The following KCNIP4 variants were observed in gnomAD, a reference collection of about 807,000 sequenced individuals.
KCNIP4 encodes the protein Kv channel-interacting protein 4.
A neutral mutation model predicts 34.0 loss-of-function variants in KCNIP4; 12 were observed. The ratio of observed to expected loss-of-function variants is 0.35; its 90% CI spans 0.23 to 0.57. The LOEUF (loss-of-function observed/expected upper bound fraction) is 0.57, where lower values mean the gene tolerates loss of function less well. Among genes scored for constraint, KCNIP4 ranks in the 20% least tolerant of loss-of-function variants. KCNIP4 has a pLI of 0.83. For synonymous variants in KCNIP4, 124 were observed against 102.2 expected (o/e 1.21, Z -1.29); for missense variants, 238 against 311.7 (o/e 0.76, Z 1.78).
chr4:21,757,248 A>AAAG lies in KCNIP4; in HGVS notation c.61+191322_61+191323insCTT, dbSNP rs1209820568. Among the ~76,000 whole-genome samples the AAAG allele has an allele frequency of 2.9e-3, 67 of 22,998 alleles. 1 individual carries two copies. The highest frequency in any genetic ancestry group is 4.5e-3 in the Non-Finnish European group (52 of 11,500). 15.1% of individuals were successfully genotyped at this position (22,998 alleles called of 152,430 possible). A position where few individuals can be genotyped will look rare whatever the true frequency, so the allele number is the denominator to read the frequency against. On this transcript the variant is annotated intron_variant, in intron 1 of 8. Coordinates refer to ENST00000382152, the MANE Select transcript of KCNIP4 (RefSeq NM_025221.6). Reference sequence around the variant, plus strand: ...GAAAGAAAGAAAGAAAGAAAGAAAGAAAAGAAAAGAAAAGAAAAGAAAAGA... The same window carrying AAAG: ...GAAAGAAAGAAAGAAAGAAAGAAAGAAAGAAAGAAAAGAAAAGAAAAGAAAAGA...
intron 1 of KCNIP4, among the ~76,000 whole-genome samples, chr4:21,765,485 G>A (rs984739317): frequency 6.6e-6 from 1 of 151,960 alleles, no homozygotes. Flanking sequence ...GCTCCCTGGG[G>A]GAAAAGTGGT....
intron 1 of KCNIP4, among the ~76,000 whole-genome samples, chr4:21,190,296 G>A (rs570926912): frequency 6.6e-5 from 10 of 152,192 alleles, no homozygotes; most frequent in East Asian, 3.9e-4. Flanking sequence ...GTTTTGGTTC[G>A]TTAGTATTGG....
At chr4:21,187,918 CT>C (rs1253257514) in intron 1 of KCNIP4, among the ~76,000 whole-genome samples, 1 of 152,182 alleles carries the variant, frequency 6.6e-6, no homozygotes, top group Non-Finnish European at 1.5e-5. Context: ...AGACAGATAA[CT>C]TTGGGAAAGT....
At chr4:21,596,089 C>T (rs918819281) in intron 1 of KCNIP4, among the ~76,000 whole-genome samples, 1 of 152,096 alleles carries the variant, frequency 6.6e-6, no homozygotes, top group African/African-American at 2.4e-5. Flanking sequence ...TGGCCCAACT[C>T]TCTTAATTGT....
intron 1 of KCNIP4, among the ~76,000 whole-genome samples, chr4:21,689,562 C>T (rs941712261): frequency 1.3e-5 from 2 of 152,100 alleles, no homozygotes; most frequent in Middle Eastern, 3.4e-3. Context: ...AATAGCTCTC[C>T]TGGAACACAT....
chr4:21,723,538 T>C (rs1311801568), intron 1 of KCNIP4, among the ~76,000 whole-genome samples: 2 of 152,060 alleles, frequency 1.3e-5, no homozygotes, highest in African/African-American at 4.8e-5. Context: ...AGTGGAGACG[T>C]GGTTTGTAGG....
intron 1 of KCNIP4, among the ~76,000 whole-genome samples, chr4:21,409,779 A>T (rs1724324317): frequency 6.6e-6 from 1 of 152,206 alleles, no homozygotes. Flanking sequence ...TGTATGAGTG[A>T]TGGGAACTGA....
At chr4:20,971,276 C>T (rs1734923319) in intron 1 of KCNIP4, among the ~76,000 whole-genome samples, 1 of 152,122 alleles carries the variant, frequency 6.6e-6, no homozygotes, top group Non-Finnish European at 1.5e-5. Flanking sequence ...GTATACTTCT[C>T]AGTATGGGGA....
At chr4:21,140,563 C>T (rs1358921249) in intron 1 of KCNIP4, among the ~76,000 whole-genome samples, 1 of 152,136 alleles carries the variant, frequency 6.6e-6, no homozygotes, top group Non-Finnish European at 1.5e-5. Flanking sequence ...CTCCAACGCA[C>T]CCCGCTATTC....
intron 1 of KCNIP4, among the ~76,000 whole-genome samples, chr4:21,132,801 G>T (rs931219977): frequency 6.7e-6 from 1 of 149,950 alleles, no homozygotes; most frequent in South Asian, 2.1e-4. Context: ...CTGAGCTCAG[G>T]AGTTCGAGAC....
intron 1 of KCNIP4, among the ~76,000 whole-genome samples, chr4:20,912,474 G>T (rs954647204): frequency 1.3e-5 from 2 of 151,928 alleles, no homozygotes; most frequent in African/African-American, 4.8e-5. Context: ...TAACAACTAG[G>T]TTTTTTATAT....
chr4:21,864,878 G>T (rs1725320032), intron 1 of KCNIP4, among the ~76,000 whole-genome samples: 1 of 152,214 alleles, frequency 6.6e-6, no homozygotes, highest in African/African-American at 2.4e-5. Context: ...AGGCATAAAT[G>T]CGGAAAATTG....
rs113181717 is a variant in KCNIP4, at chr4:21,057,048, G to T, written c.62-174339C>A. Among the ~76,000 whole-genome samples, 3 of 152,214 alleles carry T rather than the reference G, an allele frequency of 2.0e-5. 1 individual carries two copies. Among genetic ancestry groups the T allele is most frequent in the African/African-American group, 7.2e-5 (3 of 41,558 alleles). ...ATATATTCCTACATTTCACAGTGTG[G>T]ATGCTATTGTTGTTGCCACTGGGTA... is the stretch of plus-strand genomic sequence containing the variant. On this transcript the variant is annotated intron_variant, in intron 1 of 8. Coordinates refer to ENST00000382152, the MANE Select transcript of KCNIP4 (RefSeq NM_025221.6).
chr4:20,832,749 A>G (rs1578727945), intron 3 of KCNIP4, among the ~76,000 whole-genome samples: 1 of 150,556 alleles, frequency 6.6e-6, no homozygotes, highest in East Asian at 2.0e-4. Flanking sequence ...AAAGGTCCTC[A>G]GCATGAAGGA....
chr4:21,138,919 G>GC (rs1751721982), intron 1 of KCNIP4, among the ~76,000 whole-genome samples: 1 of 152,106 alleles, frequency 6.6e-6, no homozygotes, highest in Admixed American at 6.6e-5. Flanking sequence ...AAGAAACACG[G>GC]GCCTGCCAAG....
chr4:20,992,386 A>G (rs1737154622), intron 1 of KCNIP4, among the ~76,000 whole-genome samples: 1 of 152,126 alleles, frequency 6.6e-6, no homozygotes, highest in Non-Finnish European at 1.5e-5. Context: ...CACTTCTATG[A>G]TCCAATTACC....
chr4:21,637,123 G>A (rs544320233), intron 1 of KCNIP4, among the ~76,000 whole-genome samples: 28 of 152,206 alleles, frequency 1.8e-4, no homozygotes, highest in South Asian at 8.3e-4. Context: ...ACCTGTAGGC[G>A]CTGTGGAACC....
At chr4:21,924,767 C>T (rs1230891171) in intron 1 of KCNIP4, among the ~76,000 whole-genome samples, 4 of 152,096 alleles carry the variant, frequency 2.6e-5, no homozygotes, top group Non-Finnish European at 5.9e-5. Context: ...GTTATTCAGG[C>T]TGCTGCCCTA....
intron 1 of KCNIP4, among the ~76,000 whole-genome samples, chr4:21,820,296 T>C (rs1183500170): frequency 2.1e-4 from 8 of 38,396 alleles, no homozygotes; most frequent in Non-Finnish European, 6.0e-4. Flanking sequence ...TATATATATA[T>C]ATATATATAT....
Sources: allele counts gnomAD v4.1 joint callset (sites outside exome capture counted in the v4.1 genomes callset), GRCh38; gene constraint gnomAD v4.1.1; transcripts MANE v1.5; gene names NCBI Gene and HGNC (gene_info 2026-07-23, HGNC 2026-07-21).